Variants in SLMAP observed in about 807,000 individuals in gnomAD.
SLMAP encodes the protein sarcolemmal membrane-associated protein.
In SLMAP, 44 loss-of-function variants were observed where a neutral mutation model predicts 128.8. That is an observed-to-expected ratio of 0.34 (90% CI 0.27 to 0.44). SLMAP has a LOEUF of 0.44. SLMAP is among the 20% of genes least tolerant of loss of function. The pLI, the probability that SLMAP is intolerant of heterozygous loss-of-function variation, is 1.00. For missense variants in SLMAP, 787 were observed against 985.3 expected (o/e 0.80, Z 2.69); for synonymous variants, 327 against 348.8 (o/e 0.94, Z 0.70).
chr3:57,877,427 T>C (rs2095628406), intron 14 of SLMAP, among the ~76,000 whole-genome samples: 1 of 152,238 alleles, frequency 6.6e-6, no homozygotes, highest in African/African-American at 2.4e-5. Context: ...GATTTTCATT[T>C]TGTAAACTTT....
intron 2 of SLMAP, among the ~76,000 whole-genome samples, chr3:57,809,257 C>A (rs554705566): frequency 6.6e-6 from 1 of 152,316 alleles, no homozygotes; most frequent in South Asian, 2.1e-4. Flanking sequence ...GAAGAAAGGC[C>A]CCCCTGCCCT....
Position 57,849,762 on chromosome 3 carries a change from TA to T in SLMAP, c.467del (p.Asn156ThrfsTer31). 1 of 1,568,568 alleles carries T rather than the reference TA, an allele frequency of 6.4e-7. No homozygotes were observed. Among genetic ancestry groups the T allele is most frequent in the Non-Finnish European group, 8.8e-7 (1 of 1,138,556 alleles). ...GTGTCATTTGTTTCTAGGTTGCTGC[TA>T]ACACTCCAAGTATGTACTCTCAGGA... Reference protein sequence around the residue: ...LPSPVDKVAANTPSMYSQELF... With the variant: ...LPSPVDKVAAXTPSMYSQELF... On this transcript the variant is annotated frameshift_variant, in exon 6 of 25. Coordinates refer to ENST00000671191, the MANE Select transcript of SLMAP (RefSeq NM_001377540.1). LOFTEE classifies it high-confidence loss of function.
intron 2 of SLMAP, among the ~76,000 whole-genome samples, chr3:57,786,602 G>A (rs1229765804): frequency 6.7e-6 from 1 of 149,270 alleles, no homozygotes; most frequent in Non-Finnish European, 1.5e-5. Flanking sequence ...TGTTATCCAG[G>A]CTGGAGTGCA....
chr3:57,915,782 T>C (rs541299996), intron 21 of SLMAP, among the ~76,000 whole-genome samples: 1 of 152,312 alleles, frequency 6.6e-6, no homozygotes, highest in East Asian at 1.9e-4. Flanking sequence ...GAAGAAGGAA[T>C]TGAAGAAGGA....
intron 10 of SLMAP, among the ~76,000 whole-genome samples, chr3:57,863,375 G>T (rs1432348970): frequency 6.6e-6 from 1 of 152,218 alleles, no homozygotes; most frequent in East Asian, 1.9e-4. Context: ...GTTTGTTAGA[G>T]AAGACCAGAG....
At chr3:57,794,825 C>A (rs2086344641) in intron 2 of SLMAP, among the ~76,000 whole-genome samples, 1 of 152,182 alleles carries the variant, frequency 6.6e-6, no homozygotes, top group Non-Finnish European at 1.5e-5. Context: ...CATTAATCAG[C>A]TGATGGACAT....
Position 57,757,458 on chromosome 3 carries a change from T to G in SLMAP, c.-194T>G. On this transcript the variant is annotated 5_prime_UTR_variant, in exon 2 of 25. Coordinates refer to ENST00000671191, the MANE Select transcript of SLMAP (RefSeq NM_001377540.1). Reference sequence around the variant, plus strand: ...CGGCGTTGCAGCGTTTTAAAGGAGGTGATGGGGCTTGCGCTGGCTTGTCTT... The same window carrying G: ...CGGCGTTGCAGCGTTTTAAAGGAGGGGATGGGGCTTGCGCTGGCTTGTCTT... The G allele has an allele frequency of 1.7e-6, 1 of 605,616 alleles. No individual in the cohort carries two copies. Among genetic ancestry groups the G allele is most frequent in the Non-Finnish European group, 2.9e-6 (1 of 341,376 alleles). The allele number at this position is 605,616 out of a possible 1,614,324, so 37.5% of individuals were successfully genotyped here.
At chr3:57,791,833 G>A (rs999453780) in intron 2 of SLMAP, among the ~76,000 whole-genome samples, 1 of 151,920 alleles carries the variant, frequency 6.6e-6, no homozygotes, top group African/African-American at 2.4e-5. Flanking sequence ...TAATAGATCT[G>A]TTTATTAATG....
chr3:57,841,958 G>A (rs907227991), intron 4 of SLMAP, among the ~76,000 whole-genome samples: 2 of 152,168 alleles, frequency 1.3e-5, no homozygotes, highest in South Asian at 4.1e-4. Flanking sequence ...TTGATCTTGG[G>A]GTTTTCAGAG....
intron 6 of SLMAP, among the ~76,000 whole-genome samples, chr3:57,852,147 G>A (rs1441255998): frequency 2.6e-5 from 4 of 151,920 alleles, no homozygotes; most frequent in Non-Finnish European, 4.4e-5. Context: ...TCCTGACCTC[G>A]TTATCTGCCC....
At chr3:57,794,126 C>T (rs2086153575) in intron 2 of SLMAP, among the ~76,000 whole-genome samples, 1 of 152,142 alleles carries the variant, frequency 6.6e-6, no homozygotes. Flanking sequence ...ATGAGTCATT[C>T]AGTGATTTAG....
intron 2 of SLMAP, among the ~76,000 whole-genome samples, chr3:57,766,000 CT>C (rs769246826): frequency 9.7e-4 from 132 of 135,922 alleles, no homozygotes; most frequent in Non-Finnish European, 1.2e-3. Flanking sequence ...GATTTTCTTT[CT>C]TTTTTTTTTT....
intron 2 of SLMAP, among the ~76,000 whole-genome samples, chr3:57,805,401 A>T (rs866828549): frequency 1.3e-5 from 2 of 152,134 alleles, no homozygotes; most frequent in African/African-American, 4.8e-5. Flanking sequence ...CATATCCAAA[A>T]CTGAAGTGAT....
chr3:57,871,176 A>G (rs917443491), intron 13 of SLMAP, among the ~76,000 whole-genome samples: 3 of 152,204 alleles, frequency 2.0e-5, no homozygotes, highest in Admixed American at 6.5e-5. Flanking sequence ...TATTACATCA[A>G]TTTCTTAAAA....
intron 6 of SLMAP, among the ~76,000 whole-genome samples, chr3:57,857,489 T>C (rs1334166299): frequency 6.6e-6 from 1 of 152,242 alleles, no homozygotes; most frequent in Non-Finnish European, 1.5e-5. Context: ...TATGTGAATG[T>C]CAACATTCTG....
At chr3:57,924,833 C>A (rs1324500323) in intron 23 of SLMAP, among the ~76,000 whole-genome samples, 1 of 151,798 alleles carries the variant, frequency 6.6e-6, no homozygotes, top group Non-Finnish European at 1.5e-5. Context: ...ATAAAATAAC[C>A]ATTGCTGAGG....
At chr3:57,879,200 A>G (rs1403644335) in intron 14 of SLMAP, among the ~76,000 whole-genome samples, 2 of 152,166 alleles carry the variant, frequency 1.3e-5, no homozygotes, top group African/African-American at 4.8e-5. Context: ...ATTGTTTCTC[A>G]TTTTTAATTT....
At chr3:57,855,046 T>C (rs1335078442) in intron 6 of SLMAP, among the ~76,000 whole-genome samples, 3 of 152,146 alleles carry the variant, frequency 2.0e-5, no homozygotes, top group Admixed American at 6.5e-5. Flanking sequence ...TATTCGTGTT[T>C]AGAAACATAT....
At chr3:57,905,718 GC>G (rs908498834) in intron 17 of SLMAP, among the ~76,000 whole-genome samples, 3 of 152,118 alleles carry the variant, frequency 2.0e-5, no homozygotes, top group African/African-American at 7.2e-5. Flanking sequence ...AGAATTAATA[GC>G]CAGTGCTTTT....
Sources: allele counts gnomAD v4.1 joint callset (sites outside exome capture counted in the v4.1 genomes callset), GRCh38; gene constraint gnomAD v4.1.1; transcripts MANE v1.5; gene names NCBI Gene and HGNC (gene_info 2026-07-23, HGNC 2026-07-21).